The following SAMD4B variants were observed in gnomAD, a reference collection of about 807,000 sequenced individuals.
The protein encoded by SAMD4B is sterile alpha motif domain containing 4B.
A neutral mutation model predicts 74.5 loss-of-function variants in SAMD4B; 5 were observed. That is an observed-to-expected ratio of 0.07 (90% CI 0.04 to 0.14). The LOEUF (loss-of-function observed/expected upper bound fraction) is 0.14, where lower values mean the gene tolerates loss of function less well. SAMD4B is among the 10% of genes least tolerant of loss of function. SAMD4B has a pLI of 1.00. For missense variants in SAMD4B, 608 were observed against 921.8 expected, an observed-to-expected ratio of 0.66 and a Z score of 4.41; for synonymous variants, 373 against 374.9, an observed-to-expected ratio of 1.00 and a Z score of 0.06.
rs997150816 is a variant in SAMD4B at position 39,357,345 on chromosome 19, G to A, written c.196+256G>A. ...AAACTCCCCATAACAGGAAGATCAT[G>A]TAGAGTGGCTTATGTGGGCTGCTGA... On this transcript the variant is annotated intron_variant, in intron 3 of 13. Coordinates refer to ENST00000610417, the MANE Select transcript of SAMD4B (RefSeq NM_001384574.2). Among the ~76,000 whole-genome samples, 17 of 152,302 alleles carry A rather than the reference G, an allele frequency of 1.1e-4. No homozygotes were observed. In the South Asian group the frequency reaches 2.3e-3, roughly 20 times the overall value.
At chr19:39,376,877 T>C in intron 7 of SAMD4B, 86 bp downstream of exon 7, 3 of 1,138,238 alleles carry the variant, frequency 2.6e-6, no homozygotes, top group Non-Finnish European at 3.9e-6. Flanking sequence ...GCCTCCAGAC[T>C]CCTCGGATGT....
intron 2 of SAMD4B, among the ~76,000 whole-genome samples, chr19:39,355,701 T>C (rs1488879894): frequency 6.6e-6 from 1 of 152,108 alleles, no homozygotes; most frequent in Non-Finnish European, 1.5e-5. Context: ...ACCTGAAAAA[T>C]AGGTCTGTTG....
intron 3 of SAMD4B, among the ~76,000 whole-genome samples, chr19:39,368,531 T>C (rs190406498): frequency 6.1e-4 from 93 of 152,196 alleles, no homozygotes; most frequent in Non-Finnish European, 1.5e-4. Context: ...GAGGGTGCCC[T>C]GGAAATGAAG....
intron 3 of SAMD4B, among the ~76,000 whole-genome samples, chr19:39,361,649 C>T (rs527418790): frequency 2.7e-5 from 4 of 149,934 alleles, no homozygotes; most frequent in South Asian, 2.1e-4. Context: ...CCCGGCCGGG[C>T]GCGGTGGCTC....
chr19:39,390,110 G>GGGGTAGGTGATGAACTTGGGGGTGAACTT (rs1187852765), downstream of SAMD4B: 1 of 1,614,124 alleles, frequency 6.2e-7, no homozygotes. Flanking sequence ...TGGGGTCGAA[G>GGGGTAGGTGATGAACTTGGGGGTGAACTT]GGGATATCAG....
chr19:39,389,574 C>T (rs778780311), downstream of SAMD4B: 2 of 1,614,170 alleles, frequency 1.2e-6, no homozygotes, highest in South Asian at 1.1e-5. The surrounding 1 kb of genome is among the most constrained non-coding windows in gnomAD (Gnocchi z 5.3). Flanking sequence ...GCAGGAGGAC[C>T]ATGAGGGAGG....
Position 39,383,116 on chromosome 19 carries a change from C to G in SAMD4B, c.1973-92C>G. The G allele has an allele frequency of 2.0e-6, 2 of 1,014,110 alleles. No individual in the cohort carries two copies. The highest frequency in any genetic ancestry group is 3.2e-6 in the Non-Finnish European group (2 of 632,696). 62.8% of individuals were successfully genotyped at this position (1,014,110 alleles called of 1,614,324 possible). On this transcript the variant is annotated intron_variant, in intron 12 of 13. Coordinates refer to ENST00000610417, the MANE Select transcript of SAMD4B (RefSeq NM_001384574.2). The surrounding 1 kb of genome is among the most constrained non-coding windows in gnomAD (Gnocchi z 4.1). ...CCTCTCCCCCTCCATCTCTCTTGCT[C>G]CCTTCCCATACCAGCATCCTTTGTC...
chr19:39,365,832 A>G (rs139330409), intron 3 of SAMD4B, among the ~76,000 whole-genome samples: 2 of 152,354 alleles, frequency 1.3e-5, no homozygotes, highest in South Asian at 2.1e-4. Flanking sequence ...CAATAGTGGT[A>G]TTGGTTCTAC....
chr19:39,390,044 T>C, downstream of SAMD4B: 1 of 1,568,096 alleles, frequency 6.4e-7, no homozygotes, highest in Non-Finnish European at 8.8e-7. Flanking sequence ...CATACCTGAG[T>C]AGTTTTCCCA....
rs762425347 is a variant in SAMD4B at position 39,383,549 on chromosome 19, C to T, written c.*22C>T. ...CTGACGGGACCCACAGCCCAGCGCACCCATAGGCTCCCTGGGCGGCGGGCG... is the reference window on the plus strand; with the variant it reads ...CTGACGGGACCCACAGCCCAGCGCATCCATAGGCTCCCTGGGCGGCGGGCG... On this transcript the variant is annotated 3_prime_UTR_variant, in exon 14 of 14. Coordinates refer to ENST00000610417, the MANE Select transcript of SAMD4B (RefSeq NM_001384574.2). This position sits in a 1 kb window ranked among gnomAD's most constrained non-coding sequence, Gnocchi z 4.1. The T allele has an allele frequency of 1.9e-6, 3 of 1,614,272 alleles. No individual in the cohort carries two copies. The South Asian group carries it at 3.3e-5, about 18-fold the overall frequency.
intron 1 of SAMD4B, among the ~76,000 whole-genome samples, chr19:39,343,665 T>C (rs984076557): frequency 1.3e-5 from 2 of 149,858 alleles, no homozygotes; most frequent in African/African-American, 4.9e-5. Context: ...CCCCCACTCA[T>C]TCTAAAAATC....
downstream of SAMD4B, chr19:39,390,301 G>A (rs1356777768): frequency 1.2e-6 from 2 of 1,608,648 alleles, no homozygotes; most frequent in African/African-American, 1.3e-5. Flanking sequence ...TAGTGGAGAA[G>A]AAAGAAACAG....
chr19:39,370,216 C>T (rs1175583140), intron 4 of SAMD4B, 91 bp downstream of exon 4: 12 of 1,275,314 alleles, frequency 9.4e-6, no homozygotes, highest in Admixed American at 6.1e-5. Context: ...TGGCATTAGA[C>T]AAGTCACATA....
In SAMD4B at chr19:39,380,679, G is replaced by A. The variant is rs746435701; in HGVS notation, c.1742G>A (p.Arg581Gln). Residue 581 changes from arginine (R) to glutamine (Q), a missense_variant, in exon 11 of 14, where the codon CGG becomes CAG. This residue lies in a region of SAMD4B where 167 missense variants were observed against 193.0 expected (regional missense o/e 0.87). Coordinates refer to ENST00000610417, the MANE Select transcript of SAMD4B (RefSeq NM_001384574.2). ...CAGCGGCAGTTCCCAATGCCTCCCC[G>A]GGCCCTCCCACCCGGCCGGATGGGC... is the stretch of plus-strand genomic sequence containing the variant. ...RTQRQFPMPP[R>Q]ALPPGRMGLL... 5.6e-6 allele frequency: 9 copies of A among 1,613,448 alleles called. No homozygotes were observed. The highest frequency in any genetic ancestry group is 3.3e-5 in the Admixed American group (2 of 59,988).
chr19:39,388,663 C>T (rs147378857), downstream of SAMD4B: 2 of 1,614,026 alleles, frequency 1.2e-6, no homozygotes, highest in African/African-American at 2.7e-5. Flanking sequence ...TTCCCTTCCT[C>T]ATCCATCATG....
At chr19:39,374,109 A>C (rs1221329199) in intron 4 of SAMD4B, among the ~76,000 whole-genome samples, 1 of 152,096 alleles carries the variant, frequency 6.6e-6, no homozygotes, top group South Asian at 2.1e-4. Flanking sequence ...CTCTACTAAA[A>C]ATACGAAAAA....
At chr19:39,369,580 C>T in intron 3 of SAMD4B, 75 bp from the exon 4 acceptor site, 5 of 1,169,386 alleles carry the variant, frequency 4.3e-6, no homozygotes, top group Non-Finnish European at 6.2e-6. Flanking sequence ...GGGAATAGGC[C>T]ATAGGCAGTG....
At chr19:39,389,332 G>A (rs2078321585), downstream of SAMD4B, 1 of 1,614,068 alleles carries the variant, frequency 6.2e-7, no homozygotes, top group Non-Finnish European at 8.5e-7. This position sits in a 1 kb window ranked among gnomAD's most constrained non-coding sequence, Gnocchi z 5.3. Flanking sequence ...ACTCAGTGGA[G>A]ATGTACTCTG....
chr19:39,371,710 G>A (rs557546470), intron 4 of SAMD4B, among the ~76,000 whole-genome samples: 29 of 151,944 alleles, frequency 1.9e-4, no homozygotes, highest in Admixed American at 3.3e-4. Context: ...CCAGTTACTC[G>A]GGGGGCTGAG....
Sources: gnomAD v4.1 joint callset for allele counts (sites outside exome capture counted in the v4.1 genomes callset) on GRCh38, gnomAD v4.1.1 for gene constraint, gnomAD v4.1.1 regional missense constraint, Gnocchi (gnomAD v3.1) non-coding constraint, MANE v1.5 for transcripts, NCBI Gene and HGNC (gene_info 2026-07-23, HGNC 2026-07-21) for gene names.